The following VWA8 variants were observed in gnomAD, a reference collection of about 807,000 sequenced individuals.
VWA8 encodes the protein von Willebrand factor A domain containing 8.
A neutral mutation model predicts 241.5 loss-of-function variants in VWA8; 221 were observed. The ratio of observed to expected loss-of-function variants is 0.91; its 90% CI spans 0.82 to 1.02. VWA8 has a LOEUF of 1.02. VWA8 is among the 50% of genes least tolerant of loss of function. VWA8 has a pLI of 0.00. For synonymous variants in VWA8, 852 were observed against 827.1 expected (o/e 1.03, Z -0.52); for missense variants, 2,322 against 2,328.7 (o/e 1.00, Z 0.06).
intron 25 of VWA8, 61 bp from the exon 26 acceptor site, chr13:41,719,803 T>A: frequency 6.8e-7 from 1 of 1,462,922 alleles, no homozygotes; most frequent in South Asian, 1.3e-5. Flanking sequence ...TTATAAAGAT[T>A]TATGAAATGG....
rs1593811667 is a variant in VWA8 at position 41,844,390 on chromosome 13, G to A, written c.1426-10859C>T. ...ACAAACCCACAGGCAACATCACACT[G>A]AATGGGCAAAAGCTGGAAGCATTCC... On this transcript the variant is annotated intron_variant, in intron 12 of 44. Coordinates refer to ENST00000379310, the MANE Select transcript of VWA8 (RefSeq NM_015058.2). 3.3e-5 allele frequency among the ~76,000 whole-genome samples: 5 copies of A among 152,104 alleles called. No individual in the cohort carries two copies. In the South Asian group the frequency reaches 1.0e-3, roughly 31 times the overall value.
At chr13:41,583,103 A>C (rs968785369) in intron 42 of VWA8, among the ~76,000 whole-genome samples, 4 of 152,136 alleles carry the variant, frequency 2.6e-5, no homozygotes, top group Admixed American at 6.5e-5. Flanking sequence ...TATAAGTAGA[A>C]ATAACTCTTA....
At chr13:41,622,683 A>G (rs755933718) in intron 37 of VWA8, among the ~76,000 whole-genome samples, 2 of 152,216 alleles carry the variant, frequency 1.3e-5, no homozygotes, top group Non-Finnish European at 2.9e-5. Context: ...CTTGTAAATT[A>G]CAACTCATAA....
At position 41,570,510 on chromosome 13, in the gene VWA8, G is replaced by A. The variant is rs1455588967; in HGVS notation, c.5567C>T (p.Ala1856Val). The change falls in exon 44 of 45, where the codon GCT becomes GTT. Residue 1856 changes from alanine (A) to valine (V), a missense_variant. Ala to Val is a moderately conservative substitution (Grantham distance 64). Transcript: ENST00000379310. ...QILTRDPQVN[A>V]FAIFIGSLGD... Reference sequence around the variant, plus strand: ...TAAAGAGCCAATAAAAATGGCAAAAGCATTTACTTGAGGGTCTCTTGTGAG... The same window carrying A: ...TAAAGAGCCAATAAAAATGGCAAAAACATTTACTTGAGGGTCTCTTGTGAG... 1 of 1,614,048 alleles carries A rather than the reference G, an allele frequency of 6.2e-7. No individual in the cohort carries two copies. The highest frequency in any genetic ancestry group is 1.3e-5 in the African/African-American group (1 of 74,926).
intron 37 of VWA8, among the ~76,000 whole-genome samples, chr13:41,635,872 G>A (rs1292437633): frequency 6.6e-6 from 1 of 152,092 alleles, no homozygotes; most frequent in Admixed American, 6.6e-5. Flanking sequence ...AGGAACAGCA[G>A]GGGGGTGCTG....
chr13:41,567,487 C>T lies in VWA8; in HGVS notation c.*710G>A, dbSNP rs1050924522. ...ACAGTAAACTTTTAAGGCAAGACAT[C>T]TTTCTCCTCCCACTCTAGCAGCAAG... On this transcript the variant is annotated 3_prime_UTR_variant, in exon 45 of 45. Transcript: ENST00000379310. 1 of 152,212 alleles carries T rather than the reference C, an allele frequency of 6.6e-6. No homozygotes were observed. Among genetic ancestry groups the T allele is most frequent in the African/African-American group, 2.4e-5 (1 of 41,454 alleles). 9.4% of individuals were successfully genotyped at this position (152,212 alleles called of 1,614,324 possible).
chr13:41,763,336 G>A (rs1171728575), intron 20 of VWA8, among the ~76,000 whole-genome samples: 5 of 151,900 alleles, frequency 3.3e-5, no homozygotes, highest in Non-Finnish European at 5.9e-5. Flanking sequence ...TAGATAGATA[G>A]ATAGATAGAT....
At chr13:41,883,595 A>G (rs1318589217) in intron 8 of VWA8, 104 bp from the exon 9 acceptor site, 2 of 770,530 alleles carry the variant, frequency 2.6e-6, no homozygotes, top group South Asian at 3.3e-5. Flanking sequence ...AAAAGTAACC[A>G]ATAGGTGTCT....
At chr13:41,756,823 C>T (rs1199596203) in intron 21 of VWA8, among the ~76,000 whole-genome samples, 1 of 151,594 alleles carries the variant, frequency 6.6e-6, no homozygotes, top group Non-Finnish European at 1.5e-5. Context: ...ACTTAAGCAG[C>T]ATCTGTATAT....
chr13:41,960,941 G>A lies in VWA8; in HGVS notation c.75C>T (p.Leu25=), dbSNP rs577976254. The change falls in exon 1 of 45, where the codon CTC becomes CTT. Residue 25 remains leucine (L), a synonymous_variant. Transcript: ENST00000379310. ...GGPASRRMRL[L]LRQVVQRRPG... ...GCCTGCGCTGCACCACCTGCCGCAG[G>A]AGCAGCCGCATGCGCCGCGAGGCCG... The A allele has an allele frequency of 6.4e-5, 95 of 1,481,300 alleles. No homozygotes were observed. The African/African-American group carries it at 1.3e-3, about 20-fold the overall frequency. 91.8% of individuals were successfully genotyped at this position (1,481,300 alleles called of 1,614,324 possible).
intron 40 of VWA8, among the ~76,000 whole-genome samples, chr13:41,595,109 G>A (rs1244130115): frequency 1.3e-5 from 2 of 152,182 alleles, no homozygotes; most frequent in East Asian, 3.8e-4. Context: ...AAGGAAAGCT[G>A]TTACATTTTC....
At chr13:41,925,396 T>C (rs1566041565) in intron 2 of VWA8, among the ~76,000 whole-genome samples, 1 of 152,132 alleles carries the variant, frequency 6.6e-6, no homozygotes. Flanking sequence ...ATCATACATA[T>C]CTCTAGTACG....
intron 2 of VWA8, chr13:41,926,489 C>T: frequency 1.9e-6 from 1 of 529,488 alleles, no homozygotes; most frequent in Non-Finnish European, 3.8e-6. Context: ...GGAACTCTAT[C>T]ATAAGATGCT....
rs796434598 is a variant in VWA8 at position 41,686,080 on chromosome 13, C to T, written c.4132-838G>A. Among the ~76,000 whole-genome samples, 9 of 152,258 alleles carry T rather than the reference C, an allele frequency of 5.9e-5. 1 individual carries two copies. Among genetic ancestry groups the T allele is most frequent in the African/African-American group, 2.2e-4 (9 of 41,546 alleles). ...TAGTTTATTGTCCAAATACCACTAA[C>T]TTTTGCCCATAGCAACAGTATCATA... On this transcript the variant is annotated intron_variant, in intron 34 of 44. Transcript: ENST00000379310.
At chr13:41,914,058 A>C (rs533430581) in intron 2 of VWA8, among the ~76,000 whole-genome samples, 16 of 152,190 alleles carry the variant, frequency 1.1e-4, no homozygotes, top group Non-Finnish European at 2.2e-4. Context: ...CCTGGCCCAC[A>C]TGGCGAAGCC....
intron 42 of VWA8, among the ~76,000 whole-genome samples, chr13:41,583,500 G>A (rs369585590): frequency 1.2e-4 from 18 of 151,964 alleles, no homozygotes; most frequent in East Asian, 9.7e-4. Context: ...AAAATTAGCC[G>A]GGCGTGGTGG....
At chr13:41,841,860 A>ATATATATCTATAT (rs1566478209) in intron 12 of VWA8, among the ~76,000 whole-genome samples, 1 of 62,664 alleles carries the variant, frequency 1.6e-5, no homozygotes, top group African/African-American at 8.4e-5. Context: ...TATATATATA[A>ATATATATCTATAT]AAACAGTAGA....
chr13:41,841,583 G>A (rs567559105), intron 12 of VWA8, among the ~76,000 whole-genome samples: 11 of 150,472 alleles, frequency 7.3e-5, no homozygotes, highest in African/African-American at 2.2e-4. Context: ...TCAGGAGATC[G>A]AGACCATCCT....
chr13:41,573,140 G>A (rs76496530), intron 43 of VWA8, among the ~76,000 whole-genome samples: 1 of 149,156 alleles, frequency 6.7e-6, no homozygotes, highest in Non-Finnish European at 1.5e-5. Flanking sequence ...AACAAGCCAG[G>A]CACGGTGGCT....
Sources: gnomAD v4.1 joint callset for allele counts (sites outside exome capture counted in the v4.1 genomes callset) on GRCh38, gnomAD v4.1.1 for gene constraint, MANE v1.5 for transcripts, NCBI Gene and HGNC (gene_info 2026-07-23, HGNC 2026-07-21) for gene names.